Variants in PDIA5 observed in about 807,000 individuals in gnomAD.
PDIA5 encodes the protein protein disulfide isomerase family A member 5, also known as protein disulfide-isomerase A5.
Under a neutral mutation model 77.6 loss-of-function variants are expected in PDIA5, and 58 were observed. The ratio of observed to expected loss-of-function variants is 0.75; its 90% CI spans 0.61 to 0.93. The LOEUF (loss-of-function observed/expected upper bound fraction) is 0.93, where lower values mean the gene tolerates loss of function less well. Ranked by LOEUF, PDIA5 falls within the 40% of genes least tolerant of loss-of-function variation. The pLI, the probability that PDIA5 is intolerant of heterozygous loss-of-function variation, is 0.00. For missense variants in PDIA5, 630 were observed against 647.7 expected, an observed-to-expected ratio of 0.97 and a Z score of 0.30; for synonymous variants, 250 against 252.1, an observed-to-expected ratio of 0.99 and a Z score of 0.08.
intron 10 of PDIA5, among the ~76,000 whole-genome samples, chr3:123,125,245 G>C (rs979678455): frequency 6.6e-6 from 1 of 152,232 alleles, no homozygotes; most frequent in Non-Finnish European, 1.5e-5. Flanking sequence ...ATGTGCTGGA[G>C]TAACAACAGC....
intron 1 of PDIA5, among the ~76,000 whole-genome samples, chr3:123,072,948 G>GTGTGTGTGT (rs377523246): frequency 4.7e-5 from 7 of 149,480 alleles, no homozygotes; most frequent in Admixed American, 6.7e-5. Flanking sequence ...GTGTGTATGT[G>GTGTGTGTGT]GTGTTGTTGT....
intron 6 of PDIA5, among the ~76,000 whole-genome samples, chr3:123,110,514 A>G (rs936487273): frequency 4.7e-4 from 71 of 152,298 alleles, no homozygotes; most frequent in African/African-American, 1.7e-3. Context: ...CACCCGCAGC[A>G]CAACAAAACC....
rs1022096388 is a variant in PDIA5, at chr3:123,130,711, T to C, written c.910+95T>C. On this transcript the variant is annotated intron_variant, in intron 11 of 16. Coordinates refer to ENST00000316218, the MANE Select transcript of PDIA5 (RefSeq NM_006810.4). ...GCAATGTGAACCCAGGAAGCACTTA[T>C]TTTTTGGATGCCAGGACCCATGCTA... 4.3e-6 allele frequency: 6 copies of C among 1,410,786 alleles called. No individual in the cohort carries two copies. In the Admixed American group the frequency reaches 1.1e-4, roughly 25 times the overall value. 87.4% of individuals were successfully genotyped at this position (1,410,786 alleles called of 1,614,324 possible).
chr3:123,153,900 C>T (rs1007284366), intron 14 of PDIA5, among the ~76,000 whole-genome samples: 1 of 152,198 alleles, frequency 6.6e-6, no homozygotes, highest in Admixed American at 6.5e-5. Flanking sequence ...TCTGCCTTCC[C>T]GAGGCTGAGG....
At chr3:123,124,921 C>T (rs1935206802) in intron 10 of PDIA5, among the ~76,000 whole-genome samples, 1 of 152,170 alleles carries the variant, frequency 6.6e-6, no homozygotes, top group African/African-American at 2.4e-5. Flanking sequence ...GTTCAACCCC[C>T]ACAGGCATTG....
intron 8 of PDIA5, among the ~76,000 whole-genome samples, chr3:123,123,703 C>T (rs764636916): frequency 7.9e-5 from 12 of 152,326 alleles, no homozygotes; most frequent in African/African-American, 2.4e-4. Context: ...GAGAAATAGG[C>T]GTAACACATC....
intron 14 of PDIA5, among the ~76,000 whole-genome samples, chr3:123,152,110 TTCC>T: frequency 1.4e-5 from 2 of 142,732 alleles, no homozygotes; most frequent in African/African-American, 5.3e-5. Context: ...CCTTCCTTCC[TTCC>T]TTCCTTCCTT....
intron 5 of PDIA5, 75 bp from the exon 6 acceptor site, chr3:123,106,674 G>A: frequency 9.6e-7 from 1 of 1,044,418 alleles, no homozygotes; most frequent in Non-Finnish European, 1.5e-6. Flanking sequence ...AGGGAAAGAG[G>A]ACAGGTTCCT....
chr3:123,117,374 T>TTATATATA (rs370968904), intron 8 of PDIA5, among the ~76,000 whole-genome samples: 22,782 of 79,692 alleles, frequency 0.29, 4,168 homozygotes, highest in East Asian at 0.43. Context: ...TTCTATGATT[T>TTATATATA]TATATATATA....
intron 3 of PDIA5, among the ~76,000 whole-genome samples, chr3:123,099,365 C>T (rs962604641): frequency 2.0e-5 from 3 of 152,214 alleles, no homozygotes; most frequent in Admixed American, 1.3e-4. Flanking sequence ...CAAAACCAAG[C>T]CCTTGGCTTC....
chr3:123,146,200 A>G lies in PDIA5; in HGVS notation c.1083A>G (p.Gly361=), dbSNP rs996964331. 1.2e-6 allele frequency: 2 copies of G among 1,613,776 alleles called. No homozygotes were observed. The highest frequency in any genetic ancestry group is 2.7e-5 in the African/African-American group (2 of 74,920). ...CTACGTTGAAGTATTTTAAGAATGG[A>G]GAGAAATACGCAGTGCCTGTGCTCA... is the stretch of plus-strand genomic sequence containing the variant. The part of the protein sequence containing the change: ...EFPTLKYFKN[G]EKYAVPVLRT... The change falls in exon 13 of 17, where the codon GGA becomes GGG. Residue 361 remains glycine (G), a synonymous_variant. Coordinates refer to ENST00000316218, the MANE Select transcript of PDIA5 (RefSeq NM_006810.4).
rs749610096 is a variant in PDIA5 at position 123,150,243 on chromosome 3, C to A, written c.1152C>A (p.Ala384=). 19 of 1,612,364 alleles carry A rather than the reference C, an allele frequency of 1.2e-5. No individual in the cohort carries two copies. Among genetic ancestry groups the A allele is most frequent in the Middle Eastern group, 3.3e-4 (2 of 6,066 alleles). Residue 384 remains alanine, a synonymous_variant, in exon 14 of 17, where the codon GCC becomes GCA. Transcript: ENST00000316218. ...CCCTGGCTTCTTGCAGCCCTGAGGC[C>A]CCCCCGCCCCCAGAGCCCACGTGGG... ...KFLEWMQNPE[A]PPPPEPTWEE...
chr3:123,077,260 A>G (rs1482681226), intron 1 of PDIA5, among the ~76,000 whole-genome samples: 4 of 152,210 alleles, frequency 2.6e-5, no homozygotes, highest in African/African-American at 9.7e-5. Flanking sequence ...AAATGGGAAT[A>G]ATAAAAGTGC....
chr3:123,112,627 C>T (rs576383743), intron 7 of PDIA5, among the ~76,000 whole-genome samples: 34 of 146,222 alleles, frequency 2.3e-4, no homozygotes, highest in South Asian at 1.3e-3. Flanking sequence ...CAGCTCACTG[C>T]GACCTCCGCC....
chr3:123,088,128 A>G (rs1934188912), intron 1 of PDIA5, among the ~76,000 whole-genome samples: 1 of 151,994 alleles, frequency 6.6e-6, no homozygotes, highest in Non-Finnish European at 1.5e-5. Flanking sequence ...TTTCTTACTC[A>G]ATCTCTCCAT....
At chr3:123,081,011 T>C (rs1432486159) in intron 1 of PDIA5, among the ~76,000 whole-genome samples, 1 of 152,198 alleles carries the variant, frequency 6.6e-6, no homozygotes, top group African/African-American at 2.4e-5. Context: ...AAGACTCTTA[T>C]CAGATGTCTG....
At chr3:123,077,032 T>C (rs573115547) in intron 1 of PDIA5, among the ~76,000 whole-genome samples, 1 of 152,332 alleles carries the variant, frequency 6.6e-6, no homozygotes, top group East Asian at 1.9e-4. Context: ...ATGTAAGGTG[T>C]GGCTTTTTAA....
Position 123,102,799 on chromosome 3 carries a change from A to G in PDIA5, c.387+3A>G. 1 of 1,598,174 alleles carries G rather than the reference A, an allele frequency of 6.3e-7. No homozygotes were observed. The highest frequency in any genetic ancestry group is 1.1e-5 in the South Asian group (1 of 90,778). On this transcript the variant is annotated splice_donor_region_variant and intron_variant, in intron 5 of 16. Transcript: ENST00000316218. The stretch of plus-strand genomic sequence containing the variant: ...ATAACCGAGCTGTGACATTTAAGGT[A>G]AATTTACCTCCCTTGTTCTCAGCAA...
intron 11 of PDIA5, among the ~76,000 whole-genome samples, chr3:123,143,514 G>A (rs1297701527): frequency 1.3e-5 from 2 of 152,100 alleles, no homozygotes; most frequent in African/African-American, 4.8e-5. Flanking sequence ...GCCAGGGCAG[G>A]TGGAGTGCTC....
Sources: gnomAD v4.1 joint callset for allele counts (sites outside exome capture counted in the v4.1 genomes callset) on GRCh38, gnomAD v4.1.1 for gene constraint, MANE v1.5 for transcripts, NCBI Gene and HGNC (gene_info 2026-07-23, HGNC 2026-07-21) for gene names.